Variants in PUS1 observed in about 807,000 individuals in gnomAD.
The protein encoded by PUS1 is pseudouridine synthase 1.
In PUS1, 25 loss-of-function variants were observed where a neutral mutation model predicts 38.5. The observed-to-expected ratio is 0.65, with a 90% CI of 0.47 to 0.91. The LOEUF (loss-of-function observed/expected upper bound fraction) is 0.91, where lower values mean the gene tolerates loss of function less well. PUS1 is among the 40% of genes least tolerant of loss of function. The probability of loss-of-function intolerance (pLI) is 0.00; values close to 1 mark genes in which losing one functional copy is unlikely to be tolerated. For synonymous variants in PUS1, 282 were observed against 260.4 expected, an observed-to-expected ratio of 1.08 and a Z score of -0.80; for missense variants, 597 against 612.3, an observed-to-expected ratio of 0.97 and a Z score of 0.26.
intron 4 of PUS1, chr12:131,940,953 T>A (rs1273212017): frequency 3.2e-6 from 1 of 317,384 alleles, no homozygotes; most frequent in East Asian, 6.0e-5. Flanking sequence ...TGTATAAAGA[T>A]CAAATAGGGC....
chr12:131,933,788 A>G (rs964782933), intron 3 of PUS1, among the ~76,000 whole-genome samples: 1 of 152,238 alleles, frequency 6.6e-6, no homozygotes, highest in Non-Finnish European at 1.5e-5. Context: ...ATGTGCGGAG[A>G]CAAGAGATCG....
chr12:131,929,549 C>G lies in PUS1; in HGVS notation c.-174C>G, dbSNP rs1890480352. On this transcript the variant is annotated 5_prime_UTR_variant, in exon 1 of 6. Transcript: ENST00000376649. The stretch of plus-strand genomic sequence containing the variant: ...GCTGGGGCGTCCAGGTCCGAGAGGT[C>G]AGGGGTCAGCTGGAGAGGGGCTGGG... The G allele has an allele frequency of 1.8e-6, 1 of 548,484 alleles. No homozygotes were observed. Among genetic ancestry groups the G allele is most frequent in the Non-Finnish European group, 3.1e-6 (1 of 320,162 alleles). 34.0% of individuals were successfully genotyped at this position (548,484 alleles called of 1,614,324 possible).
chr12:131,942,959 G>C (rs907215453), intron 5 of PUS1, among the ~76,000 whole-genome samples: 4 of 152,258 alleles, frequency 2.6e-5, no homozygotes, highest in Admixed American at 1.3e-4. Context: ...GAGTTGGGGG[G>C]CCAGCGGTGG....
Position 131,943,862 on chromosome 12 carries a change from C to A in PUS1, c.*276C>A. ...AAGTACAAATTTTGCTTAGTCAATCCTTGGTTTGCCTTTTTCTTAGTCTTT... is the reference window on the plus strand; with the variant it reads ...AAGTACAAATTTTGCTTAGTCAATCATTGGTTTGCCTTTTTCTTAGTCTTT... On this transcript the variant is annotated 3_prime_UTR_variant, in exon 6 of 6. Transcript: ENST00000376649. The A allele has an allele frequency of 2.3e-6, 1 of 437,726 alleles. No individual in the cohort carries two copies. Among genetic ancestry groups the A allele is most frequent in the South Asian group, 2.2e-5 (1 of 46,382 alleles). The allele number at this position is 437,726 out of a possible 1,614,324, so 27.1% of individuals were successfully genotyped here. A position where few individuals can be genotyped will look rare whatever the true frequency, so the allele number is the denominator to read the frequency against.
chr12:131,940,149 C>T (rs958800129), intron 4 of PUS1, among the ~76,000 whole-genome samples: 1 of 152,054 alleles, frequency 6.6e-6, no homozygotes, highest in African/African-American at 2.4e-5. Flanking sequence ...CCTCCCGCCT[C>T]AGCCTATAAG....
chr12:131,937,788 T>G (rs924999531), intron 3 of PUS1, among the ~76,000 whole-genome samples: 6 of 152,090 alleles, frequency 3.9e-5, no homozygotes, highest in Admixed American at 2.6e-4. Flanking sequence ...TCAAGCAATC[T>G]TCCTACCTTA....
chr12:131,938,975 T>C (rs1190767359), intron 3 of PUS1, among the ~76,000 whole-genome samples, 198 bp from the exon 4 acceptor site: 3 of 152,180 alleles, frequency 2.0e-5, no homozygotes, highest in Non-Finnish European at 4.4e-5. Flanking sequence ...TCTCCTGACC[T>C]CGTGATCCAC....
chr12:131,943,815 A>G lies in PUS1; in HGVS notation c.*229A>G, dbSNP rs1351667846. On this transcript the variant is annotated 3_prime_UTR_variant, in exon 6 of 6. Coordinates refer to ENST00000376649, the MANE Select transcript of PUS1 (RefSeq NM_025215.6). ...AGCATGTAAAGAACTATTTTTTTAA[A>G]GAAGTGATTTTCTTATTAAACAAGT... 7.6e-6 allele frequency: 4 copies of G among 527,814 alleles called. No homozygotes were observed. In the East Asian group the frequency reaches 1.3e-4, roughly 17 times the overall value. 32.7% of individuals were successfully genotyped at this position (527,814 alleles called of 1,614,324 possible).
chr12:131,934,541 C>T (rs1029370403), intron 3 of PUS1: 1 of 152,164 alleles, frequency 6.6e-6, no homozygotes, highest in Non-Finnish European at 1.5e-5. Flanking sequence ...AAGAGTAATA[C>T]TACAAACTAA....
chr12:131,930,080 A>C lies in PUS1; in HGVS notation c.248A>C (p.Lys83Thr). 2.8e-6 allele frequency: 4 copies of C among 1,443,828 alleles called. No individual in the cohort carries two copies. The highest frequency in any genetic ancestry group is 1.5e-5 in the South Asian group (1 of 65,178). 89.4% of individuals were successfully genotyped at this position (1,443,828 alleles called of 1,614,324 possible). ...GAGGAGCGGCGCGAGAAGCCGCCCA[A>C]GCGGAAGATCGTGCTGCTCATGGCC... is the stretch of plus-strand genomic sequence containing the variant. ...GDEERREKPP[K>T]RKIVLLMAYS... is the part of the protein sequence containing the mutation. The change falls in exon 2 of 6, where the codon AAG (lysine) becomes ACG (threonine). Residue 83 changes from lysine to threonine, a missense_variant. Coordinates refer to ENST00000376649, the MANE Select transcript of PUS1 (RefSeq NM_025215.6).
At chr12:131,938,716 CTTT>C (rs11289903) in intron 3 of PUS1, among the ~76,000 whole-genome samples, 8 of 117,978 alleles carry the variant, frequency 6.8e-5, no homozygotes, top group East Asian at 2.4e-4. Flanking sequence ...ATTTTCATAT[CTTT>C]TTTTTTTTTT....
At chr12:131,931,878 C>T (rs1193376030) in intron 2 of PUS1, 2 of 596,968 alleles carry the variant, frequency 3.4e-6, no homozygotes, top group Non-Finnish European at 6.0e-6. Context: ...ATAGGTAGCA[C>T]CCACGGCACT....
At position 131,943,458 on chromosome 12, in the gene PUS1, C is replaced by A. The variant is rs945058672; in HGVS notation, c.1237-81C>A. 28 of 1,180,334 alleles carry A rather than the reference C, an allele frequency of 2.4e-5. No homozygotes were observed. In the African/African-American group the frequency reaches 3.2e-4, roughly 13 times the overall value. The allele number at this position is 1,180,334 out of a possible 1,614,324, so 73.1% of individuals were successfully genotyped here. A position where few individuals can be genotyped will look rare whatever the true frequency, so the allele number is the denominator to read the frequency against. On this transcript the variant is annotated intron_variant, in intron 5 of 5. Transcript: ENST00000376649. ...GTGGGGGCAAGGCTCCTGTGCCAAGCCTGTCATGGGCCCCTGTGGGCATCC... is the reference window on the plus strand; with the variant it reads ...GTGGGGGCAAGGCTCCTGTGCCAAGACTGTCATGGGCCCCTGTGGGCATCC...
chr12:131,930,743 C>A (rs572982700), intron 2 of PUS1, among the ~76,000 whole-genome samples: 1 of 152,302 alleles, frequency 6.6e-6, no homozygotes, highest in South Asian at 2.1e-4. Flanking sequence ...CCCACCTCAG[C>A]CTCCCGAACA....
chr12:131,932,678 C>A lies in PUS1; in HGVS notation c.441+366C>A, dbSNP rs552276198. 5.6e-4 allele frequency: 233 copies of A among 417,226 alleles called. 4 individuals are homozygous for A. The highest frequency in any genetic ancestry group is 4.7e-3 in the South Asian group (230 of 49,062). The allele number at this position is 417,226 out of a possible 1,614,324, so 25.8% of individuals were successfully genotyped here. A position where few individuals can be genotyped will look rare whatever the true frequency, so the allele number is the denominator to read the frequency against. On this transcript the variant is annotated intron_variant, in intron 3 of 5. Coordinates refer to ENST00000376649, the MANE Select transcript of PUS1 (RefSeq NM_025215.6). ...ATTGTGTGGCTGCAAAGGCAGAGAG[C>A]CACACTTGTATGATGCAACATTCTC...
intron 4 of PUS1, chr12:131,940,868 C>A: frequency 5.4e-6 from 1 of 184,352 alleles, no homozygotes; most frequent in Non-Finnish European, 1.2e-5. Context: ...CCACTGCGCC[C>A]GGCTGCTTTT....
In PUS1 at chr12:131,941,228, C is replaced by T; in HGVS notation, c.545-64C>T. The T allele has an allele frequency of 1.4e-6, 2 of 1,429,320 alleles. No homozygotes were observed. Among genetic ancestry groups the T allele is most frequent in the Non-Finnish European group, 2.0e-6 (2 of 1,019,250 alleles). The allele number at this position is 1,429,320 out of a possible 1,614,324, so 88.5% of individuals were successfully genotyped here. A position where few individuals can be genotyped will look rare whatever the true frequency, so the allele number is the denominator to read the frequency against. ...CGCTGGGGCTCACGCCGTGCTCAGG[C>T]TGCTCCCTGGTCATCCAGGCACTTC... On this transcript the variant is annotated intron_variant, in intron 4 of 5. Transcript: ENST00000376649. The surrounding 1 kb of genome is among the most constrained non-coding windows in gnomAD (Gnocchi z 4.4).
At chr12:131,943,481 T>C (rs1891177718) in intron 5 of PUS1, 58 bp from the exon 6 acceptor site, 1 of 1,444,636 alleles carries the variant, frequency 6.9e-7, no homozygotes, top group Admixed American at 1.7e-5. Context: ...CCTGTGGGCA[T>C]CCAGGAGCAG....
intron 2 of PUS1, among the ~76,000 whole-genome samples, chr12:131,930,652 C>T (rs1002968675): frequency 2.6e-5 from 4 of 152,064 alleles, no homozygotes; most frequent in Non-Finnish European, 4.4e-5. Flanking sequence ...GGCGTGGTCT[C>T]CCTTTGTGGT....
Sources: gnomAD v4.1 joint callset for allele counts (sites outside exome capture counted in the v4.1 genomes callset) on GRCh38, gnomAD v4.1.1 for gene constraint, Gnocchi (gnomAD v3.1) non-coding constraint, MANE v1.5 for transcripts, NCBI Gene and HGNC (gene_info 2026-07-23, HGNC 2026-07-21) for gene names.